Variants in ESRP1 observed in about 807,000 individuals in gnomAD.
ESRP1 encodes the protein RNA-binding motif protein 35A.
In ESRP1, 33 loss-of-function variants were observed where a neutral mutation model predicts 81.7. That is an observed-to-expected ratio of 0.40 (90% CI 0.31 to 0.54). The LOEUF (loss-of-function observed/expected upper bound fraction) is 0.54, where lower values mean the gene tolerates loss of function less well. Among genes scored for constraint, ESRP1 ranks in the 20% least tolerant of loss-of-function variants. The pLI is 0.41. For synonymous variants in ESRP1, 320 were observed against 303.3 expected, an observed-to-expected ratio of 1.06 and a Z score of -0.57; for missense variants, 672 against 833.1, an observed-to-expected ratio of 0.81 and a Z score of 2.38.
intron 11 of ESRP1, 38 bp from the exon 12 acceptor site, chr8:94,674,270 A>T (rs1459297047): frequency 1.3e-6 from 2 of 1,573,636 alleles, no homozygotes; most frequent in East Asian, 2.2e-5. Context: ...TGAAGGAGAC[A>T]GTCTCCTTTT....
chr8:94,703,114 T>TTTTC (rs1554582644), intron 15 of ESRP1, among the ~76,000 whole-genome samples: 1 of 150,948 alleles, frequency 6.6e-6, no homozygotes, highest in Non-Finnish European at 1.5e-5. Context: ...GATTGTTTTT[T>TTTTC]TTTTTTTTTT....
intron 15 of ESRP1, among the ~76,000 whole-genome samples, chr8:94,701,133 G>A (rs1335530437): frequency 2.0e-5 from 3 of 151,844 alleles, no homozygotes; most frequent in Non-Finnish European, 4.4e-5. Context: ...AAATTAGCTG[G>A]GTGTGGTGGT....
chr8:94,682,042 C>G (rs568523243), intron 13 of ESRP1, among the ~76,000 whole-genome samples: 6 of 152,290 alleles, frequency 3.9e-5, no homozygotes, highest in African/African-American at 1.4e-4. Context: ...CTTTTCACCC[C>G]CTTCTCTACC....
At chr8:94,700,589 CA>C (rs1384371337) in intron 15 of ESRP1, among the ~76,000 whole-genome samples, 2 of 152,196 alleles carry the variant, frequency 1.3e-5, no homozygotes, top group Non-Finnish European at 2.9e-5. Context: ...TTATGCCACC[CA>C]ATTTATGGTA....
chr8:94,695,678 T>A (rs2130725217), intron 14 of ESRP1, among the ~76,000 whole-genome samples: 1 of 146,444 alleles, frequency 6.8e-6, no homozygotes, highest in South Asian at 2.1e-4. Flanking sequence ...TTCTTTTCTA[T>A]CTGTTCTGAA....
At chr8:94,705,276 T>G (rs532325733) in intron 15 of ESRP1, among the ~76,000 whole-genome samples, 14 of 148,598 alleles carry the variant, frequency 9.4e-5, no homozygotes, top group Non-Finnish European at 2.1e-4. Context: ...AAAGCAATTC[T>G]CCTGCCTCAG....
At chr8:94,703,322 T>A (rs1446620106) in intron 15 of ESRP1, among the ~76,000 whole-genome samples, 1 of 151,968 alleles carries the variant, frequency 6.6e-6, no homozygotes, top group Non-Finnish European at 1.5e-5. Context: ...TCCCAGCTTA[T>A]TTATTATTTT....
chr8:94,657,285 T>C (rs1818472973), intron 4 of ESRP1, among the ~76,000 whole-genome samples: 1 of 152,196 alleles, frequency 6.6e-6, no homozygotes. Context: ...GAGCTATAAA[T>C]TAGGAGGCAC....
At chr8:94,700,801 C>T (rs939560520) in intron 15 of ESRP1, among the ~76,000 whole-genome samples, 9 of 150,898 alleles carry the variant, frequency 6.0e-5, no homozygotes, top group South Asian at 2.1e-4. Context: ...TGGTGGTGGG[C>T]GCCTGTAGCC....
chr8:94,652,799 T>C (rs1039222441), intron 4 of ESRP1, among the ~76,000 whole-genome samples: 5 of 152,210 alleles, frequency 3.3e-5, no homozygotes, highest in Non-Finnish European at 5.9e-5. Context: ...GACTTCTTAC[T>C]ACATATGCCA....
intron 9 of ESRP1, 80 bp downstream of exon 9, chr8:94,665,276 G>GA (rs1818962702): frequency 7.4e-7 from 1 of 1,356,760 alleles, no homozygotes; most frequent in Non-Finnish European, 1.0e-6. Context: ...AAGAGTAGGT[G>GA]AATAGGGTCA....
chr8:94,665,314 A>T lies in ESRP1; in HGVS notation c.931+118A>T. On this transcript the variant is annotated intron_variant, in intron 9 of 15. Transcript: ENST00000433389. ...AATGGTTTTTATTTTCTAATGGAAC[A>T]TGGGAATAGATTTTCTTCCCCAGAG... is the stretch of plus-strand genomic sequence containing the variant. 4 of 984,126 alleles carry T rather than the reference A, an allele frequency of 4.1e-6. No homozygotes were observed. In the South Asian group the frequency reaches 6.2e-5, roughly 15 times the overall value. The allele number at this position is 984,126 out of a possible 1,614,324, so 61.0% of individuals were successfully genotyped here.
At chr8:94,673,550 G>T (rs529974023) in intron 11 of ESRP1, among the ~76,000 whole-genome samples, 1 of 152,128 alleles carries the variant, frequency 6.6e-6, no homozygotes, top group Admixed American at 6.5e-5. Flanking sequence ...TAAAACATTC[G>T]TGCTCAATAA....
At chr8:94,700,455 T>A (rs1809777281) in intron 15 of ESRP1, among the ~76,000 whole-genome samples, 2 of 152,144 alleles carry the variant, frequency 1.3e-5, no homozygotes, top group Non-Finnish European at 2.9e-5. Context: ...TGTTCCCAGC[T>A]ACCAGCAGCT....
chr8:94,697,071 T>G, intron 15 of ESRP1, 110 bp downstream of exon 15: 2 of 709,874 alleles, frequency 2.8e-6, no homozygotes, highest in Non-Finnish European at 2.2e-6. Flanking sequence ...TAGTGTAATG[T>G]AAAATATCAG....
chr8:94,699,070 A>G (rs575645992), intron 15 of ESRP1, among the ~76,000 whole-genome samples: 175 of 152,328 alleles, frequency 1.1e-3, no homozygotes, highest in Non-Finnish European at 1.9e-3. Flanking sequence ...ATTGTTGAAC[A>G]CCATGTTGTT....
chr8:94,668,789 A>ATATGTGTGTGTGTGTGTG (rs1554577934), intron 10 of ESRP1, among the ~76,000 whole-genome samples: 2 of 143,774 alleles, frequency 1.4e-5, no homozygotes, highest in African/African-American at 2.7e-5. Flanking sequence ...AGCTTTCAGC[A>ATATGTGTGTGTGTGTGTG]TGTGTGTGTG....
At chr8:94,669,858 C>T (rs1473658562) in intron 10 of ESRP1, among the ~76,000 whole-genome samples, 1 of 133,650 alleles carries the variant, frequency 7.5e-6, no homozygotes, top group Admixed American at 8.1e-5. Flanking sequence ...CCAAGCAAGA[C>T]TTTGTCTCCC....
intron 1 of ESRP1, 43 bp from the exon 2 acceptor site, chr8:94,641,913 C>A (rs1817617335): frequency 6.2e-7 from 1 of 1,606,084 alleles, no homozygotes; most frequent in South Asian, 1.1e-5. Context: ...GAAAGAGGCT[C>A]CGAAATTGGG....
Sources: allele counts gnomAD v4.1 joint callset (sites outside exome capture counted in the v4.1 genomes callset), GRCh38; gene constraint gnomAD v4.1.1; transcripts MANE v1.5; gene names NCBI Gene and HGNC (gene_info 2026-07-23, HGNC 2026-07-21).